NXPH2: variants seen among roughly 807,000 people sequenced by gnomAD.
NXPH2 encodes the protein neurexophilin 2, also known as neurexophilin-2.
In NXPH2, 5 loss-of-function variants were observed where a neutral mutation model predicts 19.8. The observed-to-expected ratio is 0.25, with a 90% CI of 0.13 to 0.53. The LOEUF is 0.53. Among genes scored for constraint, NXPH2 ranks in the 20% least tolerant of loss-of-function variants. The pLI is 0.96. For synonymous variants in NXPH2, 154 were observed against 127.4 expected (o/e 1.21, Z -1.41); for missense variants, 289 against 322.8 (o/e 0.90, Z 0.80).
chr2:138,732,301 A>G (rs1681464729), intron 1 of NXPH2, among the ~76,000 whole-genome samples: 1 of 152,188 alleles, frequency 6.6e-6, no homozygotes. Context: ...GTCATAGAGA[A>G]GAGGAGAAAG....
intron 1 of NXPH2, among the ~76,000 whole-genome samples, chr2:138,727,004 G>A (rs1163018804): frequency 6.6e-6 from 1 of 152,104 alleles, no homozygotes; most frequent in African/African-American, 2.4e-5. Flanking sequence ...GCATTTTCTA[G>A]ATGCCATATA....
chr2:138,724,450 G>T (rs1297998088), intron 1 of NXPH2, among the ~76,000 whole-genome samples: 1 of 152,220 alleles, frequency 6.6e-6, no homozygotes, highest in Non-Finnish European at 1.5e-5. Flanking sequence ...TGGGGTGATT[G>T]TATGTGTGTG....
chr2:138,757,809 TTCTTTATC>T (rs1306231169), intron 1 of NXPH2, among the ~76,000 whole-genome samples: 10 of 133,124 alleles, frequency 7.5e-5, no homozygotes, highest in African/African-American at 2.8e-4. Context: ...ATGTGTGTGT[TTCTTTATC>T]TATCTATCTA....
At chr2:138,724,885 A>G (rs886667139) in intron 1 of NXPH2, among the ~76,000 whole-genome samples, 6 of 152,224 alleles carry the variant, frequency 3.9e-5, no homozygotes, top group African/African-American at 1.4e-4. Flanking sequence ...TACACAATAA[A>G]TACCATTACG....
At chr2:138,752,928 T>C (rs1681848454) in intron 1 of NXPH2, among the ~76,000 whole-genome samples, 1 of 152,212 alleles carries the variant, frequency 6.6e-6, no homozygotes, top group South Asian at 2.1e-4. Flanking sequence ...TCCACTGTGT[T>C]AAGGATATAT....
At chr2:138,714,213 G>T (rs1441372730) in intron 1 of NXPH2, among the ~76,000 whole-genome samples, 2 of 152,062 alleles carry the variant, frequency 1.3e-5, no homozygotes, top group Non-Finnish European at 2.9e-5. Flanking sequence ...TGCGTACATA[G>T]GGGCAGAGGG....
At chr2:138,703,062 C>T (rs1266578254) in intron 1 of NXPH2, among the ~76,000 whole-genome samples, 1 of 152,120 alleles carries the variant, frequency 6.6e-6, no homozygotes, top group Non-Finnish European at 1.5e-5. Flanking sequence ...CATGTTCTCT[C>T]GCCTGTATTA....
chr2:138,726,339 C>A (rs1240955577), intron 1 of NXPH2, among the ~76,000 whole-genome samples: 1 of 152,096 alleles, frequency 6.6e-6, no homozygotes, highest in Non-Finnish European at 1.5e-5. Context: ...GCCACCAGGT[C>A]GGCCTGCCAA....
At chr2:138,732,113 TGATTTAAATCCACA>T (rs1217593064) in intron 1 of NXPH2, among the ~76,000 whole-genome samples, 1 of 152,222 alleles carries the variant, frequency 6.6e-6, no homozygotes, top group East Asian at 1.9e-4. Flanking sequence ...CAAGATACCT[TGATTTAAATCCACA>T]GTATGTCAAG....
chr2:138,731,368 G>C (rs1220974846), intron 1 of NXPH2, among the ~76,000 whole-genome samples: 2 of 152,050 alleles, frequency 1.3e-5, no homozygotes, highest in South Asian at 4.1e-4. Context: ...TTGTGTACCT[G>C]CTCTTGCCAG....
chr2:138,756,405 C>T (rs1681909461), intron 1 of NXPH2, among the ~76,000 whole-genome samples: 1 of 150,628 alleles, frequency 6.6e-6, no homozygotes, highest in African/African-American at 2.4e-5. Flanking sequence ...AATGGACACA[C>T]TTGAAAAGAA....
chr2:138,750,796 G>C (rs1681818237), intron 1 of NXPH2, among the ~76,000 whole-genome samples: 1 of 152,142 alleles, frequency 6.6e-6, no homozygotes, highest in Admixed American at 6.6e-5. Context: ...AATCTAAATA[G>C]TACAGGCTTG....
At chr2:138,750,053 T>C (rs2104833030) in intron 1 of NXPH2, among the ~76,000 whole-genome samples, 1 of 152,290 alleles carries the variant, frequency 6.6e-6, no homozygotes, top group Non-Finnish European at 1.5e-5. Flanking sequence ...AAACATCGTT[T>C]TCTTCTCCGT....
At chr2:138,738,246 T>A (rs755667665) in intron 1 of NXPH2, among the ~76,000 whole-genome samples, 105 of 152,216 alleles carry the variant, frequency 6.9e-4, no homozygotes, top group Non-Finnish European at 1.3e-3. Context: ...TTTATTACTT[T>A]CTAAAATTTA....
intron 1 of NXPH2, among the ~76,000 whole-genome samples, chr2:138,708,095 T>A (rs1681044791): frequency 6.6e-6 from 1 of 152,216 alleles, no homozygotes; most frequent in Non-Finnish European, 1.5e-5. Context: ...ACTGTGCTTG[T>A]CTTGTCCATA....
chr2:138,777,502 G>A (rs1278930919), intron 1 of NXPH2, among the ~76,000 whole-genome samples: 2 of 151,784 alleles, frequency 1.3e-5, no homozygotes, highest in East Asian at 1.9e-4. Context: ...TATCAATTCC[G>A]CTTACTGTTT....
intron 1 of NXPH2, among the ~76,000 whole-genome samples, chr2:138,728,041 C>T (rs1030310200): frequency 6.6e-6 from 1 of 152,132 alleles, no homozygotes; most frequent in Non-Finnish European, 1.5e-5. Context: ...GTGTTCCCTC[C>T]AAATTCATAT....
At chr2:138,695,469 A>G (rs1435239339) in intron 1 of NXPH2, among the ~76,000 whole-genome samples, 8 of 152,184 alleles carry the variant, frequency 5.3e-5, no homozygotes, top group African/African-American at 1.7e-4. Context: ...TAATGTGAAG[A>G]TATTACTTCT....
chr2:138,671,452 C>G lies in NXPH2; in HGVS notation c.265G>C (p.Glu89Gln), dbSNP rs950273227. The change falls in exon 2 of 2, where the codon GAG becomes CAG. Residue 89 changes from glutamate to glutamine, a missense_variant. By Grantham distance (29) the Glu-to-Gln change is conservative. Transcript: ENST00000272641. ...GTTCTTGCCAATGGCTCCTGAATCT[C>G]CGTGATGTTGGCCAGCCAATCCCAA... Reference protein sequence around the residue: ...NFWDWLANITEIQEPLARTKR... With the variant: ...NFWDWLANITQIQEPLARTKR... The G allele has an allele frequency of 4.3e-6, 7 of 1,613,792 alleles. No individual in the cohort carries two copies. The Admixed American group carries it at 8.3e-5, about 19-fold the overall frequency.
Sources: gnomAD v4.1 joint callset for allele counts (sites outside exome capture counted in the v4.1 genomes callset) on GRCh38, gnomAD v4.1.1 for gene constraint, MANE v1.5 for transcripts, NCBI Gene and HGNC (gene_info 2026-07-23, HGNC 2026-07-21) for gene names.